The following PCDH15 variants were observed in gnomAD, a reference collection of about 807,000 sequenced individuals.
PCDH15 encodes the protein protocadherin related 15, also known as protocadherin-15.
Under a neutral mutation model 178.5 loss-of-function variants are expected in PCDH15, and 129 were observed. The observed-to-expected ratio is 0.72, with a 90% CI of 0.63 to 0.84. The LOEUF (loss-of-function observed/expected upper bound fraction) is 0.84, where lower values mean the gene tolerates loss of function less well. Among genes scored for constraint, PCDH15 ranks in the 40% least tolerant of loss-of-function variants. PCDH15 has a pLI of 0.00. For synonymous variants in PCDH15, 800 were observed against 732.0 expected, an observed-to-expected ratio of 1.09 and a Z score of -1.50; for missense variants, 2,230 against 2,099.9, an observed-to-expected ratio of 1.06 and a Z score of -1.21.
chr10:54,868,130 C>A (rs11004609), intron 3 of PCDH15, among the ~76,000 whole-genome samples: 1 of 151,906 alleles, frequency 6.6e-6, no homozygotes, highest in African/African-American at 2.4e-5. Context: ...GAGGGGGAAA[C>A]GGTTATAGCA....
At chr10:55,144,021 A>AG (rs1052003214) in intron 2 of PCDH15, among the ~76,000 whole-genome samples, 2 of 151,686 alleles carry the variant, frequency 1.3e-5, no homozygotes, top group African/African-American at 4.8e-5. Context: ...AAGGGGAAAA[A>AG]AAACACACAA....
At chr10:55,506,766 G>T (rs1231860380) in intron 2 of PCDH15, among the ~76,000 whole-genome samples, 4 of 151,444 alleles carry the variant, frequency 2.6e-5, no homozygotes, top group South Asian at 4.1e-4. Flanking sequence ...CATACACTTT[G>T]ATATTGTTTT....
rs193212566 is a variant in PCDH15 at position 54,937,332 on chromosome 10, G to A, written c.-79-39832C>T. Among the ~76,000 whole-genome samples the A allele has an allele frequency of 3.3e-5, 5 of 151,900 alleles. No individual in the cohort carries two copies. The East Asian group carries it at 5.8e-4, about 18-fold the overall frequency. On this transcript the variant is annotated intron_variant, in intron 2 of 5. Coordinates refer to the PCDH15 transcript ENST00000458638. Reference sequence around the variant, plus strand: ...AGAATGACTTTTAGATCTGGCTTGCGAATTTCTGCAAGAACAAAAAAAGCA... The same window carrying A: ...AGAATGACTTTTAGATCTGGCTTGCAAATTTCTGCAAGAACAAAAAAAGCA...
intron 13 of PCDH15, among the ~76,000 whole-genome samples, chr10:54,154,758 T>C (rs1477577272): frequency 6.6e-6 from 1 of 152,184 alleles, no homozygotes; most frequent in African/African-American, 2.4e-5. Context: ...ATGACATTAA[T>C]GCAACTAAGT....
intron 2 of PCDH15, among the ~76,000 whole-genome samples, chr10:55,131,177 T>C (rs2132077576): frequency 6.6e-6 from 1 of 152,236 alleles, no homozygotes; most frequent in Admixed American, 6.5e-5. Flanking sequence ...CCACAAATCC[T>C]TGGTCCTCCA....
intron 1 of PCDH15, among the ~76,000 whole-genome samples, chr10:55,190,627 T>G (rs1221542428): frequency 6.6e-6 from 1 of 151,734 alleles, no homozygotes; most frequent in Non-Finnish European, 1.5e-5. Context: ...CCAAGTGTTC[T>G]CTAAATTACA....
intron 8 of PCDH15, among the ~76,000 whole-genome samples, chr10:54,305,226 C>A (rs1564916663): frequency 6.6e-6 from 1 of 151,946 alleles, no homozygotes; most frequent in African/African-American, 2.4e-5. Context: ...TTGTTTTAAT[C>A]AAGAAGAACT....
At chr10:53,997,453 G>T (rs1168578558) in intron 20 of PCDH15, among the ~76,000 whole-genome samples, 3 of 152,058 alleles carry the variant, frequency 2.0e-5, no homozygotes, top group Non-Finnish European at 4.4e-5. Flanking sequence ...ACTTCTGAAG[G>T]TTCGAAAGGA....
chr10:53,959,362 A>G (rs1243557393), intron 23 of PCDH15, among the ~76,000 whole-genome samples: 1 of 151,768 alleles, frequency 6.6e-6, no homozygotes, highest in African/African-American at 2.4e-5. Flanking sequence ...ATGATTGCAG[A>G]TTGCATGCCA....
At chr10:53,872,638 A>C (rs2079951167) in intron 26 of PCDH15, among the ~76,000 whole-genome samples, 1 of 152,210 alleles carries the variant, frequency 6.6e-6, no homozygotes, top group African/African-American at 2.4e-5. Flanking sequence ...ATAATCAGTC[A>C]GACTAGTGTT....
intron 2 of PCDH15, among the ~76,000 whole-genome samples, chr10:55,596,241 A>T (rs1400230177): frequency 3.9e-5 from 6 of 152,130 alleles, no homozygotes; most frequent in Non-Finnish European, 7.4e-5. Flanking sequence ...TGAGATAATT[A>T]TTTTGAGATC....
intron 16 of PCDH15, among the ~76,000 whole-genome samples, chr10:54,084,057 GTC>G (rs544470413): frequency 1.3e-5 from 2 of 149,880 alleles, no homozygotes; most frequent in African/African-American, 4.9e-5. Flanking sequence ...GTGAAACACT[GTC>G]TCTCTCTTTT....
intron 21 of PCDH15, among the ~76,000 whole-genome samples, chr10:53,964,348 GAATA>G (rs955514872): frequency 1.2e-3 from 132 of 109,812 alleles, no homozygotes; most frequent in African/African-American, 4.4e-3. Context: ...AGGAGTATTT[GAATA>G]AATAATTTTT....
At chr10:54,494,091 TA>T (rs1371880393) in intron 3 of PCDH15, among the ~76,000 whole-genome samples, 1 of 65,492 alleles carries the variant, frequency 1.5e-5, no homozygotes, top group Non-Finnish European at 2.9e-5. Flanking sequence ...TGTTGTGGGG[TA>T]GGGGGAGGGG....
chr10:54,999,281 A>G (rs1246202356), intron 2 of PCDH15, among the ~76,000 whole-genome samples: 2 of 141,612 alleles, frequency 1.4e-5, no homozygotes, highest in Non-Finnish European at 3.0e-5. Flanking sequence ...AAGAGCTTTG[A>G]GGATTCTGGA....
intron 3 of PCDH15, among the ~76,000 whole-genome samples, chr10:54,457,814 C>T (rs2076925584): frequency 6.6e-6 from 1 of 152,146 alleles, no homozygotes; most frequent in African/African-American, 2.4e-5. Flanking sequence ...TCCAAAAGTT[C>T]TCAAACAGTC....
chr10:55,345,123 C>T (rs531719977), intron 2 of PCDH15, among the ~76,000 whole-genome samples: 1 of 150,822 alleles, frequency 6.6e-6, no homozygotes, highest in Admixed American at 6.6e-5. Flanking sequence ...ATACTATGTC[C>T]TAAAAGTGTG....
chr10:54,391,083 T>C (rs1041229586), intron 3 of PCDH15, among the ~76,000 whole-genome samples: 6 of 152,186 alleles, frequency 3.9e-5, no homozygotes, highest in African/African-American at 1.4e-4. Flanking sequence ...CCTGTTAGTT[T>C]ACATTTTCCC....
intron 3 of PCDH15, among the ~76,000 whole-genome samples, chr10:54,398,826 T>A (rs1314336465): frequency 1.3e-5 from 2 of 152,110 alleles, no homozygotes; most frequent in African/African-American, 2.4e-5. Context: ...CCTTATGAAC[T>A]AAGCATAGGA....
Sources: gnomAD v4.1 joint callset for allele counts (sites outside exome capture counted in the v4.1 genomes callset) on GRCh38, gnomAD v4.1.1 for gene constraint, MANE v1.5 for transcripts, NCBI Gene and HGNC (gene_info 2026-07-23, HGNC 2026-07-21) for gene names.